PARD3B: variants seen among roughly 807,000 people sequenced by gnomAD.
The protein encoded by PARD3B is par-3 family cell polarity regulator beta.
Under a neutral mutation model 130.2 loss-of-function variants are expected in PARD3B, and 103 were observed. That is an observed-to-expected ratio of 0.79 (90% CI 0.67 to 0.93). PARD3B has a LOEUF of 0.93. Ranked by LOEUF, PARD3B falls within the 40% of genes least tolerant of loss-of-function variation. PARD3B has a pLI of 0.00. For missense variants in PARD3B, 1,609 were observed against 1,499.2 expected, an observed-to-expected ratio of 1.07 and a Z score of -1.21; for synonymous variants, 583 against 553.2, an observed-to-expected ratio of 1.05 and a Z score of -0.76.
chr2:204,577,223 A>G (rs1201271601), intron 1 of PARD3B, among the ~76,000 whole-genome samples: 1 of 152,258 alleles, frequency 6.6e-6, no homozygotes, highest in Non-Finnish European at 1.5e-5. Flanking sequence ...AGAAAGTTAA[A>G]TGATATGATG....
intron 2 of PARD3B, among the ~76,000 whole-genome samples, chr2:204,848,050 A>T (rs2044539482): frequency 6.6e-6 from 1 of 152,152 alleles, no homozygotes; most frequent in Admixed American, 6.6e-5. Flanking sequence ...GTGCAATAAG[A>T]TATTTTGAGA....
intron 19 of PARD3B, among the ~76,000 whole-genome samples, chr2:205,420,157 C>T (rs2046918298): frequency 6.6e-6 from 1 of 152,124 alleles, no homozygotes. Context: ...TGAGAAGGAG[C>T]TAAAAGAAGC....
intron 1 of PARD3B, among the ~76,000 whole-genome samples, chr2:204,641,971 TGAAAGGGAAGAAGGAA>T (rs2035092691): frequency 6.6e-6 from 1 of 152,140 alleles, no homozygotes; most frequent in Non-Finnish European, 1.5e-5. Flanking sequence ...TTAGAAATAT[TGAAAGGGAAGAAGGAA>T]TAATCAAGTA....
intron 2 of PARD3B, among the ~76,000 whole-genome samples, chr2:204,852,188 G>A (rs1238343344): frequency 1.4e-5 from 2 of 146,484 alleles, no homozygotes; most frequent in Non-Finnish European, 3.0e-5. Context: ...TTTTTTTCTT[G>A]GCAAACTCTG....
At chr2:204,888,393 C>G (rs1341133739) in intron 2 of PARD3B, among the ~76,000 whole-genome samples, 1 of 151,844 alleles carries the variant, frequency 6.6e-6, no homozygotes, top group Non-Finnish European at 1.5e-5. Flanking sequence ...GTTGCACAAG[C>G]CAAAGGAACA....
At chr2:205,350,484 G>A (rs193093448) in intron 18 of PARD3B, among the ~76,000 whole-genome samples, 20 of 152,212 alleles carry the variant, frequency 1.3e-4, no homozygotes, top group African/African-American at 4.6e-4. Context: ...TTATGAGAGA[G>A]TATAATCTTG....
rs76881120 is a variant in PARD3B, at chr2:204,780,298, C to G, written c.222+94016C>G. Among the ~76,000 whole-genome samples the G allele has an allele frequency of 6.1e-3, 928 of 152,164 alleles. 11 individuals are homozygous for G. Among genetic ancestry groups the G allele is most frequent in the African/African-American group, 0.022 (896 of 41,506 alleles). Reference sequence around the variant, plus strand: ...GTGTTTCAGACAGTCATGACCCTTTCCTGGGTAACTATAGAAACCTTAACA... The same window carrying G: ...GTGTTTCAGACAGTCATGACCCTTTGCTGGGTAACTATAGAAACCTTAACA... On this transcript the variant is annotated intron_variant, in intron 2 of 22. Coordinates refer to ENST00000406610, the MANE Select transcript of PARD3B (RefSeq NM_001302769.2).
At chr2:205,117,327 G>C (rs1356792925) in intron 6 of PARD3B, among the ~76,000 whole-genome samples, 1 of 152,174 alleles carries the variant, frequency 6.6e-6, no homozygotes, top group Non-Finnish European at 1.5e-5. Context: ...GCACACTTGT[G>C]CCTATGACCC....
chr2:205,079,930 A>G (rs1031168962), intron 4 of PARD3B, among the ~76,000 whole-genome samples: 5 of 152,222 alleles, frequency 3.3e-5, no homozygotes, highest in Admixed American at 6.5e-5. Flanking sequence ...CCAGAAATCA[A>G]CCATTTTCCA....
chr2:205,026,465 G>A (rs1697038181), intron 3 of PARD3B, among the ~76,000 whole-genome samples: 1 of 152,114 alleles, frequency 6.6e-6, no homozygotes, highest in South Asian at 2.1e-4. Flanking sequence ...CATGCATTGT[G>A]TACTTATTAC....
intron 2 of PARD3B, among the ~76,000 whole-genome samples, chr2:204,844,382 T>C (rs1180186589): frequency 6.6e-6 from 1 of 152,136 alleles, no homozygotes; most frequent in Non-Finnish European, 1.5e-5. Flanking sequence ...TGATTAGCAA[T>C]GTTAGTTTAG....
rs749615467 is a variant in PARD3B at position 205,460,063 on chromosome 2, C to T, written c.3044+19391C>T. On this transcript the variant is annotated intron_variant, in intron 20 of 22. Coordinates refer to ENST00000406610, the MANE Select transcript of PARD3B (RefSeq NM_001302769.2). The surrounding 1 kb of genome is among the most constrained non-coding windows in gnomAD (Gnocchi z 4.9). The stretch of plus-strand genomic sequence containing the variant: ...AGTGTTTCAGAAACTAGGAACATTA[C>T]AGTACCAGAAGACTTGGATGTGCTT... 2.0e-5 allele frequency among the ~76,000 whole-genome samples: 3 copies of T among 152,124 alleles called. No homozygotes were observed. Among genetic ancestry groups the T allele is most frequent in the Non-Finnish European group, 2.9e-5 (2 of 68,030 alleles).
At chr2:205,488,072 C>A (rs535195234) in intron 20 of PARD3B, among the ~76,000 whole-genome samples, 2 of 152,100 alleles carry the variant, frequency 1.3e-5, no homozygotes, top group African/African-American at 4.8e-5. Flanking sequence ...TTTGGACCGT[C>A]GAGTCCTTTG....
rs1376502856 is a variant in PARD3B, at chr2:204,675,219, T to G, written c.121-10962T>G. ...TCATTGTTTTTCAATATTATTAAAT[T>G]AGTAATGGTTCAGTGTTTTACGTCT... On this transcript the variant is annotated intron_variant, in intron 1 of 22. Transcript: ENST00000406610. The surrounding 1 kb of genome is among the most constrained non-coding windows in gnomAD (Gnocchi z 4.4). 6.6e-6 allele frequency among the ~76,000 whole-genome samples: 1 copy of G among 152,194 alleles called. No individual in the cohort carries two copies. Among genetic ancestry groups the G allele is most frequent in the Non-Finnish European group, 1.5e-5 (1 of 68,030 alleles).
Position 205,004,657 on chromosome 2 carries a change from A to C in PARD3B, c.394+39334A>C, listed in dbSNP as rs186285701. Among the ~76,000 whole-genome samples, 1,108 of 152,334 alleles carry C rather than the reference A, an allele frequency of 7.3e-3. 11 individuals carry two copies. Among genetic ancestry groups the C allele is most frequent in the Non-Finnish European group, 0.011 (778 of 68,030 alleles). On this transcript the variant is annotated intron_variant, in intron 3 of 22. Coordinates refer to ENST00000406610, the MANE Select transcript of PARD3B (RefSeq NM_001302769.2). ...TGTTAAGTTGCCAAGGCAATGTCAT[A>C]TCAATAATATTTTCATAAATTAAAT...
intron 2 of PARD3B, among the ~76,000 whole-genome samples, chr2:204,954,271 T>G (rs2125831510): frequency 6.6e-6 from 1 of 152,302 alleles, no homozygotes; most frequent in East Asian, 1.9e-4. Flanking sequence ...AAATATGGGC[T>G]TTGAAGCCTT....
chr2:204,905,871 T>G (rs1308714928), intron 2 of PARD3B, among the ~76,000 whole-genome samples: 12 of 152,112 alleles, frequency 7.9e-5, no homozygotes, highest in Admixed American at 7.9e-4. Flanking sequence ...TAGAAACCAG[T>G]GGTTTCTAAC....
At chr2:205,036,655 C>T (rs561004361) in intron 3 of PARD3B, among the ~76,000 whole-genome samples, 2 of 143,604 alleles carry the variant, frequency 1.4e-5, no homozygotes, top group South Asian at 2.2e-4. Context: ...TATATATACA[C>T]AGCGGACTGT....
chr2:204,929,036 A>G (rs1202619250), intron 2 of PARD3B, among the ~76,000 whole-genome samples: 1 of 152,134 alleles, frequency 6.6e-6, no homozygotes, highest in South Asian at 2.1e-4. Context: ...GTTCTAACTC[A>G]CTAAACCACT....
Sources: allele counts gnomAD v4.1 joint callset (sites outside exome capture counted in the v4.1 genomes callset), GRCh38; gene constraint gnomAD v4.1.1; non-coding constraint Gnocchi (gnomAD v3.1); transcripts MANE v1.5; gene names NCBI Gene and HGNC (gene_info 2026-07-23, HGNC 2026-07-21).